Variants in ADK observed in about 807,000 individuals in gnomAD.
ADK encodes the protein N6,N6-dimethyladenosine kinase.
In ADK, 24 loss-of-function variants were observed where a neutral mutation model predicts 44.7. The ratio of observed to expected loss-of-function variants is 0.54; its 90% confidence interval spans 0.39 to 0.76. ADK has a LOEUF of 0.76. ADK is among the 30% of genes least tolerant of loss of function. The pLI, the probability that ADK is intolerant of heterozygous loss-of-function variation, is 0.00. For missense variants in ADK, 321 were observed against 425.1 expected, an observed-to-expected ratio of 0.76 and a Z score of 2.15; for synonymous variants, 128 against 142.6, an observed-to-expected ratio of 0.90 and a Z score of 0.73.
chr10:74,522,605 T>C (rs909811618), intron 6 of ADK, among the ~76,000 whole-genome samples: 2 of 152,202 alleles, frequency 1.3e-5, no homozygotes, highest in African/African-American at 2.4e-5. Context: ...CTTATTGTAG[T>C]CTATTTGAAA....
chr10:74,361,833 A>G (rs371475754), intron 4 of ADK, among the ~76,000 whole-genome samples: 4 of 152,376 alleles, frequency 2.6e-5, no homozygotes, highest in African/African-American at 9.6e-5. Context: ...TGCTGAGCAC[A>G]GTAATCTTGG....
intron 7 of ADK, among the ~76,000 whole-genome samples, chr10:74,572,259 A>T (rs547268516): frequency 6.6e-6 from 1 of 152,242 alleles, no homozygotes; most frequent in African/African-American, 2.4e-5. Context: ...TCCTTCACTT[A>T]TGAAGCTTAG....
At chr10:74,243,732 G>A (rs1845311043) in intron 3 of ADK, among the ~76,000 whole-genome samples, 1 of 152,122 alleles carries the variant, frequency 6.6e-6, no homozygotes. Context: ...GCATGGTGGT[G>A]CACACTTGTG....
chr10:74,546,568 C>T (rs1849825256), intron 7 of ADK, among the ~76,000 whole-genome samples: 1 of 152,006 alleles, frequency 6.6e-6, no homozygotes, highest in Non-Finnish European at 1.5e-5. Flanking sequence ...GGAAATATAT[C>T]TGAAAAGGTT....
chr10:74,478,274 C>G (rs1846932758), intron 6 of ADK, among the ~76,000 whole-genome samples: 1 of 152,188 alleles, frequency 6.6e-6, no homozygotes, highest in Non-Finnish European at 1.5e-5. Context: ...GGCTAGAGTG[C>G]AGTGGAGCCA....
intron 6 of ADK, among the ~76,000 whole-genome samples, chr10:74,479,266 A>G (rs1846976111): frequency 6.6e-6 from 1 of 152,128 alleles, no homozygotes; most frequent in Non-Finnish European, 1.5e-5. Context: ...AAGTGCTAGG[A>G]TTACAGGCAT....
At chr10:74,694,387 C>A (rs780687821) in intron 10 of ADK, among the ~76,000 whole-genome samples, 86 of 149,174 alleles carry the variant, frequency 5.8e-4, no homozygotes, top group Non-Finnish European at 1.1e-3. Flanking sequence ...CCCATCTCTA[C>A]CCCAAAAAAA....
chr10:74,235,772 T>C (rs916815386), intron 3 of ADK, among the ~76,000 whole-genome samples: 2 of 152,232 alleles, frequency 1.3e-5, no homozygotes, highest in Non-Finnish European at 2.9e-5. Flanking sequence ...TGTTGAAATT[T>C]AATTGCCATT....
intron 9 of ADK, among the ~76,000 whole-genome samples, chr10:74,664,024 G>A (rs1013460804): frequency 2.0e-5 from 3 of 152,088 alleles, no homozygotes; most frequent in African/African-American, 7.2e-5. Context: ...CATAAAGCTG[G>A]AATGATATTA....
At chr10:74,658,344 A>G (rs542138100) in intron 9 of ADK, among the ~76,000 whole-genome samples, 6 of 152,240 alleles carry the variant, frequency 3.9e-5, no homozygotes, top group Admixed American at 2.6e-4. Flanking sequence ...TGCTCAGCTG[A>G]GTGAATCAGG....
chr10:74,528,953 G>A (rs1379098914), intron 7 of ADK, among the ~76,000 whole-genome samples: 1 of 152,164 alleles, frequency 6.6e-6, no homozygotes, highest in African/African-American at 2.4e-5. Context: ...AGACAATTTG[G>A]TGGTTCCTCA....
intron 9 of ADK, among the ~76,000 whole-genome samples, chr10:74,621,144 C>G (rs1852979176): frequency 6.6e-6 from 1 of 152,094 alleles, no homozygotes; most frequent in South Asian, 2.1e-4. Flanking sequence ...AACATTTTCC[C>G]AGACCAATGT....
intron 6 of ADK, among the ~76,000 whole-genome samples, chr10:74,425,689 A>C (rs1208541289): frequency 6.6e-6 from 1 of 152,230 alleles, no homozygotes; most frequent in Non-Finnish European, 1.5e-5. Flanking sequence ...ACTGAAGCTC[A>C]ATGCACAGGG....
intron 10 of ADK, among the ~76,000 whole-genome samples, chr10:74,677,829 A>G (rs942511835): frequency 6.6e-6 from 1 of 151,938 alleles, no homozygotes; most frequent in African/African-American, 2.4e-5. Flanking sequence ...TGGCTTGGTC[A>G]TTAGGAATAT....
At chr10:74,352,633 A>C (rs1381512950) in intron 4 of ADK, among the ~76,000 whole-genome samples, 1 of 152,254 alleles carries the variant, frequency 6.6e-6, no homozygotes, top group Non-Finnish European at 1.5e-5. Flanking sequence ...CAGAGTGAAC[A>C]GGCAGCATAC....
intron 6 of ADK, among the ~76,000 whole-genome samples, chr10:74,452,009 A>G (rs1845798010): frequency 6.6e-6 from 1 of 151,878 alleles, no homozygotes; most frequent in African/African-American, 2.4e-5. Flanking sequence ...ATGTTAGACA[A>G]ACTATAACTT....
chr10:74,511,661 A>G (rs1178754104), intron 6 of ADK, among the ~76,000 whole-genome samples: 1 of 152,086 alleles, frequency 6.6e-6, no homozygotes. Flanking sequence ...ATATCCTGCA[A>G]CTTTATGGAA....
At chr10:74,608,748 G>C (rs1852432372) in intron 9 of ADK, among the ~76,000 whole-genome samples, 1 of 152,146 alleles carries the variant, frequency 6.6e-6, no homozygotes, top group African/African-American at 2.4e-5. Context: ...GAGAGCTCGA[G>C]CACTGTGCTG....
chr10:74,677,341 G>A (rs1338765866), intron 10 of ADK, among the ~76,000 whole-genome samples: 1 of 152,218 alleles, frequency 6.6e-6, no homozygotes, highest in Non-Finnish European at 1.5e-5. Context: ...GAACAAGGAT[G>A]CCACTTCCTC....
Sources: allele counts gnomAD v4.1 joint callset (sites outside exome capture counted in the v4.1 genomes callset), GRCh38; gene constraint gnomAD v4.1.1; transcripts MANE v1.5; gene names NCBI Gene and HGNC (gene_info 2026-07-23, HGNC 2026-07-21).